Variants in PTPRM observed in about 807,000 individuals in gnomAD.
The protein encoded by PTPRM is protein tyrosine phosphatase receptor type M, also known as receptor-type tyrosine-protein phosphatase mu.
Under a neutral mutation model 186.7 loss-of-function variants are expected in PTPRM, and 47 were observed. The ratio of observed to expected loss-of-function variants is 0.25; its 90% CI spans 0.20 to 0.32. The LOEUF (loss-of-function observed/expected upper bound fraction) is 0.32. Among genes scored for constraint, PTPRM ranks in the 10% least tolerant of loss-of-function variants. PTPRM has a pLI of 1.00. For synonymous variants in PTPRM, 668 were observed against 674.9 expected, an observed-to-expected ratio of 0.99 and a Z score of 0.16; for missense variants, 1,494 against 1,865.0, an observed-to-expected ratio of 0.80 and a Z score of 3.66.
At chr18:8,333,035 G>A (rs1416533097) in intron 22 of PTPRM, among the ~76,000 whole-genome samples, 5 of 152,114 alleles carry the variant, frequency 3.3e-5, no homozygotes, top group Admixed American at 2.6e-4. Flanking sequence ...TTTGATTTTA[G>A]GTTAAAGTAT....
chr18:8,153,104 A>T (rs1185484748), intron 14 of PTPRM, among the ~76,000 whole-genome samples: 2 of 152,208 alleles, frequency 1.3e-5, no homozygotes, highest in Admixed American at 6.5e-5. Flanking sequence ...TTTTAAAAAC[A>T]TATGACCCAG....
At chr18:8,096,718 T>A (rs896894926) in intron 11 of PTPRM, among the ~76,000 whole-genome samples, 1 of 152,208 alleles carries the variant, frequency 6.6e-6, no homozygotes, top group Non-Finnish European at 1.5e-5. Context: ...CAGTTATTGA[T>A]TTAGGGAGTT....
At chr18:8,314,547 G>A (rs770587039) in intron 20 of PTPRM, among the ~76,000 whole-genome samples, 32 of 152,272 alleles carry the variant, frequency 2.1e-4, no homozygotes, top group Non-Finnish European at 8.8e-5. Context: ...CTTTAGGCCC[G>A]TCAATGATCA....
chr18:8,388,026 GT>G (rs2095789124), intron 31 of PTPRM, among the ~76,000 whole-genome samples: 1 of 151,616 alleles, frequency 6.6e-6, no homozygotes, highest in African/African-American at 2.4e-5. Context: ...AGACATGGGT[GT>G]TTTTTTTAAA....
intron 11 of PTPRM, among the ~76,000 whole-genome samples, chr18:8,107,932 G>A (rs2091595002): frequency 6.6e-6 from 1 of 152,136 alleles, no homozygotes; most frequent in South Asian, 2.1e-4. Flanking sequence ...TCCAGTAATT[G>A]TAATTTGGTG....
chr18:7,694,651 C>A (rs1269974458), intron 1 of PTPRM, among the ~76,000 whole-genome samples: 2 of 151,566 alleles, frequency 1.3e-5, no homozygotes, highest in African/African-American at 4.8e-5. Context: ...GGTCTTGAAC[C>A]CCTGACCTTA....
At chr18:8,392,827 C>G (rs1211384902) in intron 31 of PTPRM, among the ~76,000 whole-genome samples, 1 of 152,066 alleles carries the variant, frequency 6.6e-6, no homozygotes, top group Admixed American at 6.6e-5. Context: ...TGAACAAAAT[C>G]AATATTAGTA....
At chr18:8,105,875 T>C (rs1012337620) in intron 11 of PTPRM, among the ~76,000 whole-genome samples, 3 of 152,214 alleles carry the variant, frequency 2.0e-5, no homozygotes, top group African/African-American at 7.2e-5. Flanking sequence ...AGTGAAGTAC[T>C]GAAAACAAAA....
At chr18:8,213,505 A>G (rs1415034369) in intron 14 of PTPRM, among the ~76,000 whole-genome samples, 1 of 152,204 alleles carries the variant, frequency 6.6e-6, no homozygotes, top group Non-Finnish European at 1.5e-5. Context: ...ATAATGGAGA[A>G]AGAATTCCCA....
At chr18:8,064,057 G>A (rs1323134817) in intron 7 of PTPRM, among the ~76,000 whole-genome samples, 32 of 152,088 alleles carry the variant, frequency 2.1e-4, no homozygotes, top group Admixed American at 2.0e-3. Flanking sequence ...TATTATACAA[G>A]ATAATCCTGA....
intron 7 of PTPRM, among the ~76,000 whole-genome samples, chr18:7,963,039 G>T (rs1054754359): frequency 5.3e-5 from 8 of 152,348 alleles, no homozygotes; most frequent in African/African-American, 1.7e-4. Context: ...AAACAGTTCT[G>T]CCACAGGGCA....
intron 1 of PTPRM, among the ~76,000 whole-genome samples, chr18:7,570,900 A>G (rs1390020109): frequency 6.6e-6 from 1 of 151,292 alleles, no homozygotes; most frequent in African/African-American, 2.4e-5. Context: ...CTGTGATGAC[A>G]TTGCTTACTT....
intron 1 of PTPRM, among the ~76,000 whole-genome samples, chr18:7,687,998 G>C (rs145141946): frequency 5.3e-5 from 8 of 151,964 alleles, no homozygotes; most frequent in East Asian, 1.9e-4. Context: ...GGATGGTCTC[G>C]ATCTCTTGAC....
intron 7 of PTPRM, among the ~76,000 whole-genome samples, chr18:7,965,089 AGTGCAAT>A (rs1384780920): frequency 7.7e-6 from 1 of 129,852 alleles, no homozygotes; most frequent in Non-Finnish European, 1.5e-5. Context: ...CCCAGGCTGG[AGTGCAAT>A]GTGCAATGGC....
intron 2 of PTPRM, among the ~76,000 whole-genome samples, chr18:7,881,954 C>T (rs1479706793): frequency 6.6e-6 from 1 of 152,158 alleles, no homozygotes; most frequent in Non-Finnish European, 1.5e-5. Flanking sequence ...GTTAAGAAAG[C>T]AGATTTTTCT....
chr18:7,973,428 A>G (rs780101942), intron 7 of PTPRM, among the ~76,000 whole-genome samples: 3 of 152,172 alleles, frequency 2.0e-5, no homozygotes, highest in East Asian at 1.9e-4. Flanking sequence ...TAAAAAATCA[A>G]TTTATTGGTT....
chr18:7,966,857 A>C (rs1254515998), intron 7 of PTPRM, among the ~76,000 whole-genome samples: 1 of 127,910 alleles, frequency 7.8e-6, no homozygotes, highest in Admixed American at 8.0e-5. Context: ...ATCAAACCGC[A>C]AGGCGGCAGC....
chr18:8,047,217 A>C (rs80083313), intron 7 of PTPRM, among the ~76,000 whole-genome samples: 2,044 of 152,306 alleles, frequency 0.013, 26 homozygotes, highest in Non-Finnish European at 0.021. Flanking sequence ...TGAATGCTTT[A>C]CCTTATTAAG....
intron 14 of PTPRM, among the ~76,000 whole-genome samples, chr18:8,170,946 T>C (rs2093391474): frequency 6.6e-6 from 1 of 152,176 alleles, no homozygotes; most frequent in South Asian, 2.1e-4. Context: ...GCAGATGCCC[T>C]GCAGCAAAAA....
Sources: gnomAD v4.1 joint callset for allele counts (sites outside exome capture counted in the v4.1 genomes callset) on GRCh38, gnomAD v4.1.1 for gene constraint, MANE v1.5 for transcripts, NCBI Gene and HGNC (gene_info 2026-07-23, HGNC 2026-07-21) for gene names.